The following PHACTR2 variants were observed in gnomAD, a reference collection of about 807,000 sequenced individuals.
PHACTR2 encodes the protein chromosome 6 open reading frame 56.
In PHACTR2, 30 loss-of-function variants were observed where a neutral mutation model predicts 76.0. That is an observed-to-expected ratio of 0.39 (90% CI 0.30 to 0.54). The LOEUF (loss-of-function observed/expected upper bound fraction) is 0.54, where lower values mean the gene tolerates loss of function less well. PHACTR2 is among the 20% of genes least tolerant of loss of function. The pLI is 0.61. For synonymous variants in PHACTR2, 292 were observed against 292.5 expected (o/e 1.00, Z 0.02); for missense variants, 696 against 781.1 (o/e 0.89, Z 1.30).
At position 143,807,026 on chromosome 6, in the gene PHACTR2, G is replaced by T; in HGVS notation, c.1846-31G>T. On this transcript the variant is annotated intron_variant, in intron 11 of 12. Coordinates refer to ENST00000440869, the MANE Select transcript of PHACTR2 (RefSeq NM_001100164.2). The surrounding 1 kb of genome is among the most constrained non-coding windows in gnomAD (Gnocchi z 5.5). ...GGGGCAATATATGACCTAAATAACA[G>T]TTCTGTTTATCTATTTTTTTTCCTG... The T allele has an allele frequency of 8.0e-7, 1 of 1,253,488 alleles. No individual in the cohort carries two copies. The highest frequency in any genetic ancestry group is 1.2e-6 in the Non-Finnish European group (1 of 859,218). 77.6% of individuals were successfully genotyped at this position (1,253,488 alleles called of 1,614,324 possible).
intron 1 of PHACTR2, among the ~76,000 whole-genome samples, chr6:143,551,789 T>A (rs765561998): frequency 1.9e-4 from 29 of 152,156 alleles, no homozygotes; most frequent in Non-Finnish European, 3.8e-4. Context: ...GATATTATAA[T>A]ACCCATTGAA....
chr6:143,627,940 T>A lies in PHACTR2; in HGVS notation c.13+19618T>A, dbSNP rs1054141677. Among the ~76,000 whole-genome samples the A allele has an allele frequency of 2.0e-5, 3 of 152,202 alleles. No homozygotes were observed. Among genetic ancestry groups the A allele is most frequent in the Non-Finnish European group, 4.4e-5 (3 of 68,036 alleles). Reference sequence around the variant, plus strand: ...AAACCCTATACCCATTGTGCAGTCATGACTATTGTCCCCCTCCCCCAGACT... The same window carrying A: ...AAACCCTATACCCATTGTGCAGTCAAGACTATTGTCCCCCTCCCCCAGACT... On this transcript the variant is annotated intron_variant, in intron 1 of 11. Coordinates refer to the PHACTR2 transcript ENST00000305766. This position sits in a 1 kb window ranked among gnomAD's most constrained non-coding sequence, Gnocchi z 4.3.
intron 3 of PHACTR2, among the ~76,000 whole-genome samples, chr6:143,749,772 C>T (rs1479228902): frequency 1.3e-5 from 2 of 152,096 alleles, no homozygotes; most frequent in African/African-American, 2.4e-5. Flanking sequence ...CAAAAGAAGA[C>T]GCTAACATTG....
chr6:143,748,872 G>A (rs980469115), intron 2 of PHACTR2, 113 bp from the exon 3 acceptor site: 8 of 573,438 alleles, frequency 1.4e-5, no homozygotes, highest in Admixed American at 3.4e-5. Flanking sequence ...CTAAGAAAAC[G>A]AGTTTGAGCC....
chr6:143,615,646 T>C (rs1323905987), intron 1 of PHACTR2, among the ~76,000 whole-genome samples: 1 of 152,214 alleles, frequency 6.6e-6, no homozygotes, highest in African/African-American at 2.4e-5. Context: ...AAAATTTTCA[T>C]TTGAAAGATG....
rs1776775099 is a variant in PHACTR2, at chr6:143,652,233, T to G, written c.13+43911T>G. On this transcript the variant is annotated intron_variant, in intron 1 of 11. Transcript: ENST00000305766. This position sits in a 1 kb window ranked among gnomAD's most constrained non-coding sequence, Gnocchi z 4.5. ...CTTGAAATACATTTCTTTAAATACA[T>G]ACCATTTCTTGAAATACATTTATTA... Among the ~76,000 whole-genome samples, 1 of 152,230 alleles carries G rather than the reference T, an allele frequency of 6.6e-6. No individual in the cohort carries two copies. The highest frequency in any genetic ancestry group is 1.5e-5 in the Non-Finnish European group (1 of 68,038).
chr6:143,562,826 T>A lies in PHACTR2; in HGVS notation c.217+25619T>A, dbSNP rs543549108. On this transcript the variant is annotated intron_variant, in intron 1 of 11. Transcript: ENST00000367584. This position sits in a 1 kb window ranked among gnomAD's most constrained non-coding sequence, Gnocchi z 5.1. Reference sequence around the variant, plus strand: ...TATTATCCAGCCATAAAGAGGAACATATGCTGCAACATGGCTTGAAAACAT... The same window carrying A: ...TATTATCCAGCCATAAAGAGGAACAAATGCTGCAACATGGCTTGAAAACAT... Among the ~76,000 whole-genome samples the A allele has an allele frequency of 3.2e-4, 48 of 152,330 alleles. No individual in the cohort carries two copies. The highest frequency in any genetic ancestry group is 1.0e-3 in the African/African-American group (43 of 41,576).
chr6:143,753,545 C>T lies in PHACTR2; in HGVS notation c.296-209C>T, dbSNP rs1002612187. On this transcript the variant is annotated intron_variant, in intron 3 of 12. Coordinates refer to ENST00000440869, the MANE Select transcript of PHACTR2 (RefSeq NM_001100164.2). The surrounding 1 kb of genome is among the most constrained non-coding windows in gnomAD (Gnocchi z 4.6). ...GATCATTCCTGTTGTCTTGAAATGG[C>T]GCATAGATATTCCCTCCATAGCAGC... is the stretch of plus-strand genomic sequence containing the variant. Among the ~76,000 whole-genome samples, 1 of 152,088 alleles carries T rather than the reference C, an allele frequency of 6.6e-6. No homozygotes were observed. The highest frequency in any genetic ancestry group is 2.4e-5 in the African/African-American group (1 of 41,392).
chr6:143,772,355 G>A lies in PHACTR2; in HGVS notation c.1330G>A (p.Glu444Lys). ...SSESFSASED[E>K]GHREYQANDS... ...AGAATCCTTTAGTGCCTCAGAAGAT[G>A]AAGGCCACAGGGAATACCAAGCCAA... Residue 444 changes from glutamate (E) to lysine (K), a missense_variant, in exon 7 of 13, where the codon GAA becomes AAA. Around this residue, in one of 2 missense-constraint regions of PHACTR2, gnomAD observed 236 missense variants for 330.2 expected, o/e 0.71. Coordinates refer to ENST00000440869, the MANE Select transcript of PHACTR2 (RefSeq NM_001100164.2). This position sits in a 1 kb window ranked among gnomAD's most constrained non-coding sequence, Gnocchi z 5.4. 6.2e-7 allele frequency: 1 copy of A among 1,613,786 alleles called. No homozygotes were observed. Among genetic ancestry groups the A allele is most frequent in the Non-Finnish European group, 8.5e-7 (1 of 1,179,670 alleles).
chr6:143,579,238 G>A (rs34158186), intron 1 of PHACTR2, among the ~76,000 whole-genome samples: 42,793 of 152,020 alleles, frequency 0.28, 6,028 homozygotes, highest in Middle Eastern at 0.41. Context: ...TAACATAGCT[G>A]TGTGAACAAG....
In PHACTR2 at chr6:143,623,925, C is replaced by T. The variant is rs1413758509; in HGVS notation, c.13+15603C>T. Among the ~76,000 whole-genome samples, 1 of 152,142 alleles carries T rather than the reference C, an allele frequency of 6.6e-6. No homozygotes were observed. Among genetic ancestry groups the T allele is most frequent in the South Asian group, 2.1e-4 (1 of 4,826 alleles). The stretch of plus-strand genomic sequence containing the variant: ...CACAATATTCTGGGTACACTCAGAG[C>T]ACCCCCATAATAAGTTGCTAATGAC... On this transcript the variant is annotated intron_variant, in intron 1 of 11. Transcript: ENST00000305766. The surrounding 1 kb of genome is among the most constrained non-coding windows in gnomAD (Gnocchi z 5.9).
intron 2 of PHACTR2, among the ~76,000 whole-genome samples, chr6:143,732,177 G>A (rs1234975478): frequency 1.3e-5 from 2 of 152,142 alleles, no homozygotes; most frequent in African/African-American, 4.8e-5. Flanking sequence ...CCCATTTAAC[G>A]TGTGCAACTC....
intron 6 of PHACTR2, among the ~76,000 whole-genome samples, chr6:143,766,489 T>C (rs1379084375): frequency 6.6e-6 from 1 of 152,210 alleles, no homozygotes; most frequent in Non-Finnish European, 1.5e-5. Context: ...GGATTTAAGA[T>C]GGTTATAGAT....
intron 1 of PHACTR2, among the ~76,000 whole-genome samples, chr6:143,626,955 T>C (rs1334341236): frequency 6.6e-6 from 1 of 152,252 alleles, no homozygotes; most frequent in Non-Finnish European, 1.5e-5. Flanking sequence ...GGAGCTACTT[T>C]ACAAGACAAA....
chr6:143,715,661 T>C (rs1176657362), intron 2 of PHACTR2, among the ~76,000 whole-genome samples: 4 of 152,210 alleles, frequency 2.6e-5, no homozygotes, highest in Admixed American at 2.6e-4. Context: ...AATGCTATGA[T>C]GGACACAGGG....
At chr6:143,804,298 T>C (rs950131108) in intron 11 of PHACTR2, among the ~76,000 whole-genome samples, 2 of 152,172 alleles carry the variant, frequency 1.3e-5, no homozygotes, top group African/African-American at 4.8e-5. Flanking sequence ...CCCTGTATCT[T>C]GGGTTTCTCA....
At chr6:143,650,208 G>GA (rs1196158658) in intron 1 of PHACTR2, among the ~76,000 whole-genome samples, 1 of 152,108 alleles carries the variant, frequency 6.6e-6, no homozygotes, top group Non-Finnish European at 1.5e-5. Flanking sequence ...AAAAATGGAA[G>GA]AACATTCCAT....
intron 1 of PHACTR2, among the ~76,000 whole-genome samples, chr6:143,544,589 G>C (rs1781205511): frequency 6.6e-6 from 1 of 152,172 alleles, no homozygotes. Flanking sequence ...AAGTGCTTTT[G>C]AACTTTAAAG....
intron 1 of PHACTR2, among the ~76,000 whole-genome samples, chr6:143,694,703 A>G (rs1299996668): frequency 6.6e-6 from 1 of 152,226 alleles, no homozygotes; most frequent in Non-Finnish European, 1.5e-5. Flanking sequence ...AACACCTGTC[A>G]AAGTAAAGTC....
Sources: gnomAD v4.1 joint callset for allele counts (sites outside exome capture counted in the v4.1 genomes callset) on GRCh38, gnomAD v4.1.1 for gene constraint, gnomAD v4.1.1 regional missense constraint, Gnocchi (gnomAD v3.1) non-coding constraint, MANE v1.5 for transcripts, NCBI Gene and HGNC (gene_info 2026-07-23, HGNC 2026-07-21) for gene names.